Variants in CDH18 observed in about 807,000 individuals in gnomAD.
CDH18 encodes the protein cadherin 18.
Under a neutral mutation model 67.9 loss-of-function variants are expected in CDH18, and 31 were observed. The ratio of observed to expected loss-of-function variants is 0.46; its 90% CI spans 0.34 to 0.62. The LOEUF (loss-of-function observed/expected upper bound fraction) is 0.62. CDH18 is among the 20% of genes least tolerant of loss of function. The pLI is 0.01. For missense variants in CDH18, 890 were observed against 975.5 expected (o/e 0.91, Z 1.17); for synonymous variants, 362 against 347.2 (o/e 1.04, Z -0.48).
chr5:19,685,967 T>A (rs542402146), intron 5 of CDH18, among the ~76,000 whole-genome samples: 1 of 152,090 alleles, frequency 6.6e-6, no homozygotes, highest in Non-Finnish European at 1.5e-5. Context: ...AATGGGAAAT[T>A]TTACATGTGC....
chr5:20,538,796 A>C (rs999409157), intron 1 of CDH18, among the ~76,000 whole-genome samples: 1 of 149,550 alleles, frequency 6.7e-6, no homozygotes, highest in East Asian at 2.0e-4. Flanking sequence ...GAAGGTGTAT[A>C]TTGTGTGAAT....
chr5:19,586,145 A>T (rs1443719659), intron 7 of CDH18, among the ~76,000 whole-genome samples: 2 of 152,124 alleles, frequency 1.3e-5, no homozygotes, highest in East Asian at 3.8e-4. Context: ...ACTCTAACAA[A>T]TATTAGTTGC....
At chr5:20,034,401 T>G (rs1358636124) in intron 2 of CDH18, among the ~76,000 whole-genome samples, 1 of 152,004 alleles carries the variant, frequency 6.6e-6, no homozygotes, top group Admixed American at 6.6e-5. Context: ...GGAGATGTGG[T>G]TTGTAATGAC....
chr5:19,650,148 G>A lies in CDH18; in HGVS notation c.644-37547C>T, dbSNP rs191663018. The stretch of plus-strand genomic sequence containing the variant: ...TATGATATGTATGATATGAAGCAAT[G>A]TGAAAAATGAAGGAACACAAAAGCT... On this transcript the variant is annotated intron_variant, in intron 5 of 12. Transcript: ENST00000382275. Among the ~76,000 whole-genome samples the A allele has an allele frequency of 1.1e-4, 17 of 152,110 alleles. No homozygotes were observed. The East Asian group carries it at 2.9e-3, about 26-fold the overall frequency.
chr5:19,881,450 T>G (rs1405545545), intron 2 of CDH18, among the ~76,000 whole-genome samples: 2 of 151,986 alleles, frequency 1.3e-5, no homozygotes, highest in African/African-American at 2.4e-5. Context: ...CAAACAGATT[T>G]ACTCTAGTCT....
intron 2 of CDH18, among the ~76,000 whole-genome samples, chr5:20,250,288 T>A (rs1324488225): frequency 6.6e-6 from 1 of 151,858 alleles, no homozygotes; most frequent in Non-Finnish European, 1.5e-5. Flanking sequence ...TATTTTTTTT[T>A]TTATTTTATT....
chr5:19,561,775 T>G (rs1159958976), intron 8 of CDH18, among the ~76,000 whole-genome samples: 1 of 152,176 alleles, frequency 6.6e-6, no homozygotes, highest in Non-Finnish European at 1.5e-5. Context: ...TATGTGCTTT[T>G]GGACCATTCA....
intron 7 of CDH18, among the ~76,000 whole-genome samples, chr5:19,573,106 T>C (rs911631219): frequency 7.9e-5 from 12 of 152,160 alleles, no homozygotes; most frequent in African/African-American, 2.9e-4. Flanking sequence ...TCTTAAAAAA[T>C]TCAAATTATC....
At chr5:19,751,763 T>C (rs1414252365) in intron 3 of CDH18, among the ~76,000 whole-genome samples, 2 of 152,216 alleles carry the variant, frequency 1.3e-5, no homozygotes, top group East Asian at 1.9e-4. Context: ...AATAAATGTA[T>C]AAAAGGTTAT....
chr5:19,647,636 C>A (rs1455720306), intron 5 of CDH18, among the ~76,000 whole-genome samples: 2 of 146,056 alleles, frequency 1.4e-5, no homozygotes, highest in Non-Finnish European at 3.0e-5. Flanking sequence ...GCAGTAATGT[C>A]ATCTCTGCTC....
chr5:20,282,647 T>C (rs1033821601), intron 1 of CDH18, among the ~76,000 whole-genome samples: 2 of 152,192 alleles, frequency 1.3e-5, no homozygotes, highest in Admixed American at 1.3e-4. Context: ...TTTGCATCGA[T>C]GTTCATCAGG....
At chr5:20,110,542 G>T (rs1747373672) in intron 2 of CDH18, among the ~76,000 whole-genome samples, 1 of 152,096 alleles carries the variant, frequency 6.6e-6, no homozygotes, top group Non-Finnish European at 1.5e-5. Context: ...AAATTAGCCG[G>T]GTGTGGTGGC....
At chr5:20,157,271 G>T (rs1751601725) in intron 2 of CDH18, among the ~76,000 whole-genome samples, 1 of 152,172 alleles carries the variant, frequency 6.6e-6, no homozygotes. Flanking sequence ...CTCAAATGAA[G>T]ATTGACTACT....
chr5:20,531,387 G>A (rs1458214564), intron 1 of CDH18, among the ~76,000 whole-genome samples: 2 of 151,824 alleles, frequency 1.3e-5, no homozygotes, highest in African/African-American at 4.8e-5. Context: ...CTCATTACTG[G>A]GTATATACAC....
intron 4 of CDH18, among the ~76,000 whole-genome samples, chr5:19,726,476 C>T (rs1436959421): frequency 2.0e-5 from 3 of 152,068 alleles, no homozygotes; most frequent in Admixed American, 6.6e-5. Flanking sequence ...ACACAGATTG[C>T]TGGTTGAAGG....
At chr5:20,442,130 T>C (rs1392547730) in intron 1 of CDH18, among the ~76,000 whole-genome samples, 1 of 151,834 alleles carries the variant, frequency 6.6e-6, no homozygotes, top group East Asian at 1.9e-4. Context: ...CAAGAGTCCG[T>C]GGTATTTGTT....
intron 2 of CDH18, among the ~76,000 whole-genome samples, chr5:20,026,309 T>A (rs1431702578): frequency 6.6e-6 from 1 of 152,180 alleles, no homozygotes; most frequent in Non-Finnish European, 1.5e-5. Flanking sequence ...CATTGATGAA[T>A]TACTTGCAGT....
At chr5:19,967,830 G>T (rs1797607379) in intron 2 of CDH18, among the ~76,000 whole-genome samples, 1 of 152,126 alleles carries the variant, frequency 6.6e-6, no homozygotes, top group Admixed American at 6.5e-5. Context: ...AGTGTTGGAA[G>T]TTCTGGCCAG....
chr5:20,301,460 A>ACATACG (rs1217475618), intron 1 of CDH18, among the ~76,000 whole-genome samples: 1 of 152,176 alleles, frequency 6.6e-6, no homozygotes, highest in East Asian at 1.9e-4. Context: ...TTGAGAACAT[A>ACATACG]CAGTGGCCTG....
Sources: allele counts gnomAD v4.1 joint callset (sites outside exome capture counted in the v4.1 genomes callset), GRCh38; gene constraint gnomAD v4.1.1; transcripts MANE v1.5; gene names NCBI Gene and HGNC (gene_info 2026-07-23, HGNC 2026-07-21).